The following BABAM2 variants were observed in gnomAD, a reference collection of about 807,000 sequenced individuals.
The protein encoded by BABAM2 is BRISC and BRCA1 A complex member 2, also known as BRISC and BRCA1-A complex member 2.
A neutral mutation model predicts 54.7 loss-of-function variants in BABAM2; 31 were observed. That is an observed-to-expected ratio of 0.57 (90% confidence interval 0.43 to 0.77). The LOEUF (loss-of-function observed/expected upper bound fraction) is 0.77. Among genes scored for constraint, BABAM2 ranks in the 30% least tolerant of loss-of-function variants. The probability of loss-of-function intolerance (pLI) is 0.00; values close to 1 mark genes in which losing one functional copy is unlikely to be tolerated. For synonymous variants in BABAM2, 167 were observed against 162.9 expected, an observed-to-expected ratio of 1.03 and a Z score of -0.19; for missense variants, 364 against 455.8, an observed-to-expected ratio of 0.80 and a Z score of 1.83.
intron 3 of BABAM2, among the ~76,000 whole-genome samples, chr2:27,942,469 C>A (rs1382784120): frequency 6.6e-6 from 1 of 151,908 alleles, no homozygotes; most frequent in African/African-American, 2.4e-5. Flanking sequence ...CAAGCAATCC[C>A]TCCACCTCAG....
At chr2:28,210,161 G>A (rs1327949781) in intron 7 of BABAM2, among the ~76,000 whole-genome samples, 2 of 152,092 alleles carry the variant, frequency 1.3e-5, no homozygotes, top group Non-Finnish European at 2.9e-5. Flanking sequence ...AAAAAGAACA[G>A]CCTGCAAGGG....
chr2:28,150,111 G>C (rs1671880708), intron 7 of BABAM2, among the ~76,000 whole-genome samples: 1 of 152,150 alleles, frequency 6.6e-6, no homozygotes, highest in Non-Finnish European at 1.5e-5. Context: ...CACTGTACTA[G>C]GTGCTTTGCA....
At chr2:28,090,901 C>T (rs1666105855) in intron 6 of BABAM2, among the ~76,000 whole-genome samples, 2 of 152,216 alleles carry the variant, frequency 1.3e-5, no homozygotes, top group South Asian at 4.2e-4. Context: ...AATTAGGATA[C>T]ATTATTTATT....
intron 8 of BABAM2, among the ~76,000 whole-genome samples, chr2:28,240,458 A>G (rs1263671021): frequency 6.6e-6 from 1 of 152,182 alleles, no homozygotes; most frequent in Non-Finnish European, 1.5e-5. Flanking sequence ...AGTGTCATAT[A>G]TGTGCATGCA....
At chr2:27,994,851 A>G (rs1186778905) in intron 4 of BABAM2, among the ~76,000 whole-genome samples, 1 of 152,170 alleles carries the variant, frequency 6.6e-6, no homozygotes, top group East Asian at 1.9e-4. Context: ...AGTATAGATG[A>G]TAGGACAGTT....
chr2:28,163,903 T>C (rs1296560862), intron 7 of BABAM2, among the ~76,000 whole-genome samples: 2 of 152,214 alleles, frequency 1.3e-5, no homozygotes, highest in Non-Finnish European at 1.5e-5. Flanking sequence ...TGCTAGATCA[T>C]TTCCATCTGG....
intron 7 of BABAM2, among the ~76,000 whole-genome samples, chr2:28,194,429 C>T (rs1358415555): frequency 8.5e-5 from 13 of 152,112 alleles, no homozygotes; most frequent in Non-Finnish European, 5.9e-5. Flanking sequence ...TAGCTTATGG[C>T]AACCAAACTG....
intron 6 of BABAM2, among the ~76,000 whole-genome samples, chr2:28,063,016 A>G (rs151035464): frequency 2.4e-3 from 362 of 152,262 alleles, no homozygotes; most frequent in African/African-American, 8.2e-3. Context: ...TCCCATGCCC[A>G]TGTTCTTTTC....
At chr2:28,014,168 A>G (rs1335529397) in intron 4 of BABAM2, among the ~76,000 whole-genome samples, 1 of 152,126 alleles carries the variant, frequency 6.6e-6, no homozygotes, top group Non-Finnish European at 1.5e-5. Context: ...CACATACAGG[A>G]TGGGGGGAGG....
intron 6 of BABAM2, among the ~76,000 whole-genome samples, chr2:28,123,056 T>C (rs1669212357): frequency 3.3e-5 from 5 of 152,218 alleles, no homozygotes; most frequent in Admixed American, 3.3e-4. Flanking sequence ...AATATTTCTC[T>C]GTTTAGAAAA....
At chr2:28,305,282 G>T (rs953178808) in intron 11 of BABAM2, among the ~76,000 whole-genome samples, 2 of 151,802 alleles carry the variant, frequency 1.3e-5, no homozygotes, top group African/African-American at 4.8e-5. Context: ...TGCTTTTTCT[G>T]CATCTTTTGA....
At chr2:28,036,272 A>G (rs938324475) in intron 5 of BABAM2, among the ~76,000 whole-genome samples, 1 of 152,154 alleles carries the variant, frequency 6.6e-6, no homozygotes, top group Admixed American at 6.5e-5. Context: ...CATTTCAAGT[A>G]TTCTGTACGA....
At chr2:28,244,124 C>G (rs1682703194) in intron 9 of BABAM2, among the ~76,000 whole-genome samples, 1 of 152,138 alleles carries the variant, frequency 6.6e-6, no homozygotes, top group African/African-American at 2.4e-5. Context: ...ATATGCATCT[C>G]CCTTCCTGAA....
rs1181947247 is a variant in BABAM2, at chr2:28,208,190, G to T, written c.681-29012G>T. 2.6e-5 allele frequency among the ~76,000 whole-genome samples: 4 copies of T among 152,184 alleles called. No individual in the cohort carries two copies. In the East Asian group the frequency reaches 7.7e-4, roughly 29 times the overall value. On this transcript the variant is annotated intron_variant, in intron 7 of 11. Transcript: ENST00000379624. ...GGTACTGCTTTCTAGGGTTAATGCA[G>T]GTGCAGGACAGCCTGGCTGCAGTCA...
At chr2:28,037,086 C>T (rs952089558) in intron 5 of BABAM2, among the ~76,000 whole-genome samples, 5 of 151,840 alleles carry the variant, frequency 3.3e-5, no homozygotes, top group East Asian at 1.9e-4. Flanking sequence ...AAAATTTTTT[C>T]GAATGGATAA....
chr2:28,152,089 T>C (rs1672106553), intron 7 of BABAM2, among the ~76,000 whole-genome samples: 1 of 152,222 alleles, frequency 6.6e-6, no homozygotes, highest in Non-Finnish European at 1.5e-5. Flanking sequence ...TGGAGATGCT[T>C]TCCTGAGGCC....
chr2:28,063,390 A>G (rs894087551), intron 6 of BABAM2, among the ~76,000 whole-genome samples: 6 of 152,274 alleles, frequency 3.9e-5, no homozygotes, highest in Admixed American at 3.9e-4. Flanking sequence ...TACTTAACGC[A>G]TTATACTCAA....
At chr2:28,115,185 AC>A (rs1333390910) in intron 6 of BABAM2, among the ~76,000 whole-genome samples, 42 of 42,062 alleles carry the variant, frequency 1.0e-3, no homozygotes, top group African/African-American at 5.3e-3. Flanking sequence ...ACTTTAAAAC[AC>A]ACACACACAC....
At chr2:28,092,761 TCTCTCTCTCTCACG>T (rs1666264655) in intron 6 of BABAM2, among the ~76,000 whole-genome samples, 2 of 151,660 alleles carry the variant, frequency 1.3e-5, no homozygotes, top group Admixed American at 1.3e-4. Flanking sequence ...TCTCTCTCTC[TCTCTCTCTCTCACG>T]CTCTCTCTCT....
Sources: allele counts gnomAD v4.1 joint callset (sites outside exome capture counted in the v4.1 genomes callset), GRCh38; gene constraint gnomAD v4.1.1; transcripts MANE v1.5; gene names NCBI Gene and HGNC (gene_info 2026-07-23, HGNC 2026-07-21).